Variants in SNPH observed in about 807,000 individuals in gnomAD.
The protein encoded by SNPH is syntaphilin.
A neutral mutation model predicts 36.8 loss-of-function variants in SNPH; 10 were observed. That is an observed-to-expected ratio of 0.27 (90% confidence interval 0.17 to 0.46). The LOEUF is 0.46. SNPH is among the 20% of genes least tolerant of loss of function. The probability of loss-of-function intolerance (pLI) is 1.00; values close to 1 mark genes in which losing one functional copy is unlikely to be tolerated. For missense variants in SNPH, 622 were observed against 744.0 expected (o/e 0.84, Z 1.91); for synonymous variants, 281 against 312.2 (o/e 0.90, Z 1.05).
At chr20:1,275,786 A>G (rs1417284932) in intron 2 of SNPH, among the ~76,000 whole-genome samples, 2 of 152,064 alleles carry the variant, frequency 1.3e-5, no homozygotes, top group Non-Finnish European at 2.9e-5. Context: ...GGACATTTTG[A>G]TAGTTTATGA....
In SNPH at chr20:1,266,825, T is replaced by C. The variant is rs2122213376; in HGVS notation, c.-493+65T>C. 7.7e-7 allele frequency: 1 copy of C among 1,303,638 alleles called. No homozygotes were observed. Among genetic ancestry groups the C allele is most frequent in the Non-Finnish European group, 9.7e-7 (1 of 1,025,972 alleles). 80.8% of individuals were successfully genotyped at this position (1,303,638 alleles called of 1,614,324 possible). On this transcript the variant is annotated intron_variant, in intron 2 of 6. Transcript: ENST00000381867. The surrounding 1 kb of genome is among the most constrained non-coding windows in gnomAD (Gnocchi z 6.0). ...TGCACCGCGGCAGGTGGGGGCCGCT[T>C]GCAACCGCTCGCTGCGGTAGAATCC... is the stretch of plus-strand genomic sequence containing the variant.
Position 1,300,410 on chromosome 20 carries a change from T to G in SNPH, c.291-152T>G, listed in dbSNP as rs1236186914. ...TACTAAAACCCACCTTCCAGAAGGC[T>G]GGGGGTTCTCCTGCCTTGTGTGGGA... On this transcript the variant is annotated intron_variant, in intron 5 of 6. Coordinates refer to ENST00000381867, the MANE Select transcript of SNPH (RefSeq NM_001318234.2). 5.4e-6 allele frequency: 4 copies of G among 743,022 alleles called. No individual in the cohort carries two copies. The African/African-American group carries it at 7.0e-5, about 13-fold the overall frequency. 46.0% of individuals were successfully genotyped at this position (743,022 alleles called of 1,614,324 possible).
chr20:1,288,489 C>T (rs975109369), intron 2 of SNPH, among the ~76,000 whole-genome samples: 1 of 152,258 alleles, frequency 6.6e-6, no homozygotes, highest in African/African-American at 2.4e-5. Context: ...GGGTGGGACG[C>T]AGCAGTTGTT....
intron 2 of SNPH, among the ~76,000 whole-genome samples, chr20:1,284,901 A>G (rs985702567): frequency 1.3e-5 from 2 of 152,174 alleles, no homozygotes; most frequent in African/African-American, 4.8e-5. Context: ...ACCTGATCCA[A>G]TTTGTGTTCT....
chr20:1,289,330 G>C (rs2088322321), intron 2 of SNPH, among the ~76,000 whole-genome samples: 1 of 152,088 alleles, frequency 6.6e-6, no homozygotes, highest in Non-Finnish European at 1.5e-5. Context: ...TCAGCTACCA[G>C]TCTCCTCCAG....
At chr20:1,269,893 T>C (rs2088051967) in intron 2 of SNPH, among the ~76,000 whole-genome samples, 1 of 152,252 alleles carries the variant, frequency 6.6e-6, no homozygotes, top group African/African-American at 2.4e-5. Flanking sequence ...CCCATTTTTA[T>C]AAGTGAGAAA....
chr20:1,278,122 CTG>C (rs2088173898), intron 2 of SNPH, among the ~76,000 whole-genome samples: 1 of 144,150 alleles, frequency 6.9e-6, no homozygotes, highest in Non-Finnish European at 1.5e-5. Flanking sequence ...GTGTGTGTAT[CTG>C]TGTGTGTCTC....
intron 2 of SNPH, among the ~76,000 whole-genome samples, chr20:1,279,281 C>T (rs1471232502): frequency 1.3e-5 from 2 of 152,160 alleles, no homozygotes; most frequent in South Asian, 4.1e-4. Context: ...AATGGTATCT[C>T]CTTATGGCTT....
At chr20:1,300,464 G>C in intron 5 of SNPH, 98 bp from the exon 6 acceptor site, 1 of 1,334,822 alleles carries the variant, frequency 7.5e-7, no homozygotes, top group East Asian at 2.4e-5. Context: ...TGGTGGCCAG[G>C]GATGGTGAGG....
chr20:1,271,987 T>C (rs138478502), intron 2 of SNPH, among the ~76,000 whole-genome samples: 77 of 152,308 alleles, frequency 5.1e-4, no homozygotes, highest in African/African-American at 1.8e-3. Flanking sequence ...ACGAGGACAT[T>C]CAGATGACAC....
rs1402310649 is a variant in SNPH, at chr20:1,277,867, GTGTGTCTGTCTGTGCCGA to G, written c.-493+11117_-493+11134del. ...AGTGTGTGTGTCCGTGTGTGTGCCT[GTGTGTCTGTCTGTGCCGA>G]TGTGTCTGTGTATGTATCTGTGTGT... On this transcript the variant is annotated intron_variant, in intron 2 of 6. Coordinates refer to ENST00000381867, the MANE Select transcript of SNPH (RefSeq NM_001318234.2). Among the ~76,000 whole-genome samples, 190 of 142,378 alleles carry G rather than the reference GTGTGTCTGTCTGTGCCGA, an allele frequency of 1.3e-3. 1 individual carries two copies. The highest frequency in any genetic ancestry group is 1.5e-4 in the Non-Finnish European group (10 of 66,616). The allele number at this position is 142,378 out of a possible 152,430, so 93.4% of individuals were successfully genotyped here. A position where few individuals can be genotyped will look rare whatever the true frequency, so the allele number is the denominator to read the frequency against.
At chr20:1,269,152 C>T (rs1184511610) in intron 2 of SNPH, among the ~76,000 whole-genome samples, 2 of 152,168 alleles carry the variant, frequency 1.3e-5, no homozygotes, top group African/African-American at 4.8e-5. Context: ...TCCCATGTCC[C>T]ATTGAACCAC....
At chr20:1,275,043 G>A (rs991303395) in intron 2 of SNPH, among the ~76,000 whole-genome samples, 5 of 152,184 alleles carry the variant, frequency 3.3e-5, no homozygotes, top group African/African-American at 7.2e-5. Context: ...GGCAAACTAC[G>A]TCTTCTGGCA....
rs368326933 is a variant in SNPH at position 1,288,661 on chromosome 20, G to A, written c.-492-6290G>A. ...TTTGAGATGGAGTCTCCACTCTGTCGCCCAGGCTGGAGTGCAATGTCGTGA... is the reference window on the plus strand; with the variant it reads ...TTTGAGATGGAGTCTCCACTCTGTCACCCAGGCTGGAGTGCAATGTCGTGA... On this transcript the variant is annotated intron_variant, in intron 2 of 6. Transcript: ENST00000381867. 3.3e-4 allele frequency among the ~76,000 whole-genome samples: 48 copies of A among 144,722 alleles called. No homozygotes were observed. The East Asian group carries it at 5.2e-3, about 16-fold the overall frequency. The allele number at this position is 144,722 out of a possible 152,430, so 94.9% of individuals were successfully genotyped here. A position where few individuals can be genotyped will look rare whatever the true frequency, so the allele number is the denominator to read the frequency against.
chr20:1,299,729 A>T (rs1286204877), intron 5 of SNPH, among the ~76,000 whole-genome samples: 1 of 152,148 alleles, frequency 6.6e-6, no homozygotes, highest in African/African-American at 2.4e-5. Context: ...CGGAGGTGAA[A>T]GTGTGAACAT....
chr20:1,274,334 C>G (rs1158790048), intron 2 of SNPH, among the ~76,000 whole-genome samples: 1 of 151,520 alleles, frequency 6.6e-6, no homozygotes, highest in Non-Finnish European at 1.5e-5. Context: ...CAAATTTTGG[C>G]TCAGTTCAAG....
intron 2 of SNPH, among the ~76,000 whole-genome samples, chr20:1,269,591 A>G (rs1203752769): frequency 6.6e-6 from 1 of 152,196 alleles, no homozygotes; most frequent in Admixed American, 6.5e-5. Flanking sequence ...GAGAAGAAGA[A>G]GCTGTGAACA....
intron 2 of SNPH, among the ~76,000 whole-genome samples, chr20:1,274,537 C>T (rs1455145752): frequency 6.6e-6 from 1 of 152,140 alleles, no homozygotes; most frequent in Non-Finnish European, 1.5e-5. Context: ...TAGTATAGGG[C>T]TGGTCACAGA....
rs763738521 is a variant in SNPH at position 1,297,132 on chromosome 20, TTCC to T, written c.183-11_183-9del. ...AGCCAGAACGAGCACCTGCCTCTTC[TTCC>T]TGCCTCCAGGCGCACCTCTCCACCT... On this transcript the variant is annotated splice_polypyrimidine_tract_variant and intron_variant, in intron 4 of 6. Coordinates refer to ENST00000381867, the MANE Select transcript of SNPH (RefSeq NM_001318234.2). 1 of 1,607,644 alleles carries T rather than the reference TTCC, an allele frequency of 6.2e-7. No individual in the cohort carries two copies. Among genetic ancestry groups the T allele is most frequent in the African/African-American group, 1.3e-5 (1 of 74,820 alleles).
Sources: allele counts gnomAD v4.1 joint callset (sites outside exome capture counted in the v4.1 genomes callset), GRCh38; gene constraint gnomAD v4.1.1; non-coding constraint Gnocchi (gnomAD v3.1); transcripts MANE v1.5; gene names NCBI Gene and HGNC (gene_info 2026-07-23, HGNC 2026-07-21).